Variants in TBL1X observed in about 807,000 individuals in gnomAD.
TBL1X encodes the protein F-box-like/WD repeat-containing protein TBL1X.
In TBL1X, 10 loss-of-function variants were observed where a neutral mutation model predicts 50.7. The ratio of observed to expected loss-of-function variants is 0.20; its 90% CI spans 0.12 to 0.33. TBL1X has a LOEUF of 0.33. Ranked by LOEUF, TBL1X falls within the 10% of genes least tolerant of loss-of-function variation. The probability of loss-of-function intolerance (pLI) is 1.00; values close to 1 mark genes in which losing one functional copy is unlikely to be tolerated. For synonymous variants in TBL1X, 190 were observed against 214.7 expected, an observed-to-expected ratio of 0.88 and a Z score of 1.01; for missense variants, 340 against 504.4, an observed-to-expected ratio of 0.67 and a Z score of 3.12.
At chrX:9,706,883 A>T (rs1310814240) in intron 13 of TBL1X, among the ~76,000 whole-genome samples, 1 of 111,276 alleles carries the variant, frequency 9.0e-6, no homozygotes, top group Non-Finnish European at 1.9e-5. Context: ...CTCTCGGTCC[A>T]AAACAGAATC....
intron 2 of TBL1X, among the ~76,000 whole-genome samples, chrX:9,631,154 T>C (rs970569873): frequency 4.5e-5 from 5 of 111,604 alleles, no homozygotes; most frequent in African/African-American, 1.6e-4. Context: ...TTTGAACTTT[T>C]TAGGTTCAGG....
rs1350189902 is a variant in TBL1X at position 9,719,602 on chromosome X, C to T, written c.*3356C>T. ...TGACAGCGACCGCCTTTTCATTCCC[C>T]CCGCCACCTGTACTCACCCTCACGC... On this transcript the variant is annotated 3_prime_UTR_variant, in exon 18 of 18. Coordinates refer to ENST00000645353, the MANE Select transcript of TBL1X (RefSeq NM_005647.4). 8 of 107,265 alleles carry T rather than the reference C, an allele frequency of 7.5e-5. No individual in the cohort carries two copies. The highest frequency in any genetic ancestry group is 1.4e-4 in the African/African-American group (4 of 29,390). The allele number at this position is 107,265 out of a possible 1,213,427, so 8.8% of individuals were successfully genotyped here. A position where few individuals can be genotyped will look rare whatever the true frequency, so the allele number is the denominator to read the frequency against.
chrX:9,487,920 ACGG>A (rs750647621), intron 1 of TBL1X, among the ~76,000 whole-genome samples: 339 of 111,531 alleles, frequency 3.0e-3, no homozygotes, highest in Non-Finnish European at 5.4e-3. Context: ...GCTGTTTTCT[ACGG>A]CGTCCCCAAA....
chrX:9,469,157 A>G (rs965388579), intron 1 of TBL1X, among the ~76,000 whole-genome samples: 1 of 96,839 alleles, frequency 1.0e-5, no homozygotes, highest in East Asian at 2.9e-4. Context: ...GGAGCCTAAC[A>G]TGCCTTTTTT....
chrX:9,494,448 A>T (rs1297787095), intron 1 of TBL1X, among the ~76,000 whole-genome samples: 1 of 111,829 alleles, frequency 8.9e-6, no homozygotes, highest in Non-Finnish European at 1.9e-5. Context: ...TTATCTCATT[A>T]TCTTAGTTCT....
At chrX:9,613,171 G>A (rs1276302401) in intron 2 of TBL1X, among the ~76,000 whole-genome samples, 1 of 111,454 alleles carries the variant, frequency 9.0e-6, no homozygotes, top group Non-Finnish European at 1.9e-5. Flanking sequence ...AGAAAAAAAT[G>A]CTATGGGTCA....
At chrX:9,576,276 G>C (rs1003069724) in intron 2 of TBL1X, among the ~76,000 whole-genome samples, 1 of 112,250 alleles carries the variant, frequency 8.9e-6, no homozygotes, top group Non-Finnish European at 1.9e-5. Flanking sequence ...GGCCACGTCA[G>C]TGTGTCTCTG....
At chrX:9,477,687 C>T (rs2081856856) in intron 1 of TBL1X, among the ~76,000 whole-genome samples, 1 of 112,128 alleles carries the variant, frequency 8.9e-6, no homozygotes, top group African/African-American at 3.2e-5. Context: ...GTATAAATGA[C>T]ATGCCACAAA....
chrX:9,680,089 G>A (rs966267640), intron 5 of TBL1X, among the ~76,000 whole-genome samples: 2 of 111,424 alleles, frequency 1.8e-5, no homozygotes, highest in Admixed American at 9.5e-5. Context: ...GAAGGTGCAG[G>A]GGAGCTTGCT....
At chrX:9,666,050 G>A (rs2146611581) in intron 5 of TBL1X, among the ~76,000 whole-genome samples, 1 of 111,818 alleles carries the variant, frequency 8.9e-6, no homozygotes, top group East Asian at 2.8e-4. Context: ...CTCCCTTGGG[G>A]GATGGGCTGA....
chrX:9,550,512 T>C (rs1404254452), intron 2 of TBL1X, among the ~76,000 whole-genome samples: 1 of 112,165 alleles, frequency 8.9e-6, no homozygotes, highest in Non-Finnish European at 1.9e-5. Context: ...GCAACTTTGA[T>C]TTTTATTAGA....
chrX:9,610,558 A>G (rs1005829071), intron 2 of TBL1X, among the ~76,000 whole-genome samples: 8 of 112,142 alleles, frequency 7.1e-5, no homozygotes, highest in African/African-American at 1.9e-4. Context: ...ACACAGGATG[A>G]GGACAGGATC....
chrX:9,514,232 T>A (rs1029173118), intron 2 of TBL1X, among the ~76,000 whole-genome samples: 2 of 111,508 alleles, frequency 1.8e-5, no homozygotes, highest in Non-Finnish European at 3.8e-5. Context: ...CACTTGCTTA[T>A]TGTGTGTAGG....
At chrX:9,541,513 G>A (rs1403335164) in intron 2 of TBL1X, among the ~76,000 whole-genome samples, 1 of 112,473 alleles carries the variant, frequency 8.9e-6, no homozygotes. Flanking sequence ...AGGAAGCTTT[G>A]CAGAGATGAG....
At position 9,719,423 on chromosome X, in the gene TBL1X, GA is replaced by G. The variant is rs749640553; in HGVS notation, c.*3188del. On this transcript the variant is annotated 3_prime_UTR_variant, in exon 18 of 18. Transcript: ENST00000645353. ...CCTTTTGTTCCGCCATTTAAAAAAA[GA>G]AAAAAAAAAAGCTTATGTTTCTTGT... 3,317 of 102,942 alleles carry G rather than the reference GA, an allele frequency of 0.032. 143 individuals carry two copies. The highest frequency in any genetic ancestry group is 0.11 in the African/African-American group (3,105 of 28,564). The allele number at this position is 102,942 out of a possible 1,213,427, so 8.5% of individuals were successfully genotyped here. A position where few individuals can be genotyped will look rare whatever the true frequency, so the allele number is the denominator to read the frequency against.
At chrX:9,639,235 T>C (rs886650262) in intron 2 of TBL1X, among the ~76,000 whole-genome samples, 6 of 111,465 alleles carry the variant, frequency 5.4e-5, no homozygotes, top group African/African-American at 2.0e-4. Context: ...TTGAATTTCC[T>C]TAAAACACTT....
chrX:9,471,223 G>A (rs748977048), intron 1 of TBL1X, among the ~76,000 whole-genome samples: 21 of 112,343 alleles, frequency 1.9e-4, no homozygotes, highest in South Asian at 3.6e-4. Flanking sequence ...GCCATATGTC[G>A]CTTTCTGTGA....
chrX:9,708,383 G>C (rs772549548), intron 13 of TBL1X, among the ~76,000 whole-genome samples: 57 of 112,572 alleles, frequency 5.1e-4, no homozygotes, highest in African/African-American at 1.7e-3. Flanking sequence ...CTCAGCATTT[G>C]CCTCTCACTT....
intron 1 of TBL1X, among the ~76,000 whole-genome samples, chrX:9,466,191 C>T (rs2081773041): frequency 8.9e-6 from 1 of 112,425 alleles, no homozygotes; most frequent in African/African-American, 3.2e-5. Flanking sequence ...TGGGGTGGGT[C>T]TCGCAGATCC....
Sources: allele counts gnomAD v4.1 joint callset (sites outside exome capture counted in the v4.1 genomes callset), GRCh38; gene constraint gnomAD v4.1.1; transcripts MANE v1.5; gene names NCBI Gene and HGNC (gene_info 2026-07-23, HGNC 2026-07-21).